The following BLTP3B variants were observed in gnomAD, a reference collection of about 807,000 sequenced individuals.
BLTP3B encodes the protein bridge-like lipid transfer protein family member 3B.
the BLTP3B span, among the ~76,000 whole-genome samples, chr12:100,138,715 G>C: frequency 1.3e-5 from 2 of 152,254 alleles, no homozygotes; most frequent in African/African-American, 4.8e-5. Flanking sequence ...AGCACAGTAT[G>C]CCCTTAGCCT....
the BLTP3B span, chr12:100,070,290 A>ATTTTT: frequency 7.3e-6 from 7 of 963,150 alleles, no homozygotes; most frequent in Middle Eastern, 4.0e-4. Flanking sequence ...TAATTAATTA[A>ATTTTT]TTTTTTTTTT....
chr12:100,047,109 C>T, the BLTP3B span, among the ~76,000 whole-genome samples: 1 of 152,158 alleles, frequency 6.6e-6, no homozygotes, highest in Non-Finnish European at 1.5e-5. Context: ...TCCACTACTA[C>T]ATATGTATAT....
chr12:100,096,974 A>G, the BLTP3B span, among the ~76,000 whole-genome samples: 1 of 152,176 alleles, frequency 6.6e-6, no homozygotes, highest in Non-Finnish European at 1.5e-5. Flanking sequence ...CAGCTACTTG[A>G]GAAGCTGAAG....
the BLTP3B span, among the ~76,000 whole-genome samples, chr12:100,119,202 A>T: frequency 2.0e-5 from 3 of 152,208 alleles, no homozygotes; most frequent in Non-Finnish European, 4.4e-5. Flanking sequence ...CATTAGCATA[A>T]GAAATATGAA....
the BLTP3B span, among the ~76,000 whole-genome samples, chr12:100,039,207 T>C: frequency 6.6e-6 from 1 of 151,606 alleles, no homozygotes; most frequent in African/African-American, 2.4e-5. Flanking sequence ...TAAATGTTTA[T>C]AGAAGTTTCA....
At chr12:100,120,815 A>G in the BLTP3B span, among the ~76,000 whole-genome samples, 1 of 150,840 alleles carries the variant, frequency 6.6e-6, no homozygotes, top group Non-Finnish European at 1.5e-5. Flanking sequence ...GAGAGAGAGA[A>G]AGGCCTATGT....
the BLTP3B span, chr12:100,142,552 G>A: frequency 6.2e-7 from 1 of 1,600,022 alleles, no homozygotes; most frequent in Admixed American, 1.7e-5. Context: ...GCGGGCTGGG[G>A]TGGAGGCCGA....
At chr12:100,041,429 CTTTTTTTTTTTTTT>C in the BLTP3B span, among the ~76,000 whole-genome samples, 1 of 101,812 alleles carries the variant, frequency 9.8e-6, no homozygotes, top group Non-Finnish European at 1.9e-5. Flanking sequence ...GCTATTGTTA[CTTTTTTTTTTTTTT>C]TTTTTTTTTT....
chr12:100,108,594 T>C, the BLTP3B span: 1 of 1,484,660 alleles, frequency 6.7e-7, no homozygotes, highest in Non-Finnish European at 9.1e-7. Context: ...TCAGTTACTA[T>C]ACTCCAGAGT....
the BLTP3B span, among the ~76,000 whole-genome samples, chr12:100,094,849 C>T: frequency 6.6e-6 from 1 of 152,120 alleles, no homozygotes; most frequent in Non-Finnish European, 1.5e-5. Flanking sequence ...TAAAGGGAGA[C>T]TGTTTCAAAA....
chr12:100,094,702 C>T, the BLTP3B span, among the ~76,000 whole-genome samples: 5 of 152,182 alleles, frequency 3.3e-5, no homozygotes, highest in Non-Finnish European at 7.3e-5. Context: ...AACAAAATTA[C>T]AAAACAAATT....
the BLTP3B span, among the ~76,000 whole-genome samples, chr12:100,061,846 G>A: frequency 6.6e-6 from 1 of 152,116 alleles, no homozygotes; most frequent in Non-Finnish European, 1.5e-5. Flanking sequence ...TTAAAAACAA[G>A]ACTAACAATG....
chr12:100,108,658 A>G, the BLTP3B span: 1 of 832,038 alleles, frequency 1.2e-6, no homozygotes, highest in Non-Finnish European at 1.8e-6. Context: ...GACACAACAT[A>G]ATGTCCATCA....
chr12:100,077,724 G>T, the BLTP3B span, among the ~76,000 whole-genome samples: 1 of 152,080 alleles, frequency 6.6e-6, no homozygotes, highest in Non-Finnish European at 1.5e-5. Context: ...AAATAAACCA[G>T]AACAATTTAT....
the BLTP3B span, chr12:100,089,233 T>C: frequency 2.7e-6 from 2 of 744,392 alleles, no homozygotes; most frequent in Non-Finnish European, 3.9e-6. Flanking sequence ...ATATTTTCCC[T>C]AAAATATTTT....
the BLTP3B span, among the ~76,000 whole-genome samples, chr12:100,074,571 G>T: frequency 9.6e-5 from 14 of 145,368 alleles, no homozygotes; most frequent in Admixed American, 9.7e-4. Context: ...TCCAGCCTGG[G>T]CAACAGAACA....
chr12:100,044,052 G>A, the BLTP3B span, among the ~76,000 whole-genome samples: 5 of 152,028 alleles, frequency 3.3e-5, no homozygotes, highest in Non-Finnish European at 5.9e-5. Flanking sequence ...TGTAACTCCT[G>A]CCAAGAGGGT....
At chr12:100,121,952 A>T in the BLTP3B span, among the ~76,000 whole-genome samples, 2 of 151,684 alleles carry the variant, frequency 1.3e-5, no homozygotes, top group Non-Finnish European at 2.9e-5. Flanking sequence ...ACACACACAT[A>T]TATGTGTATA....
At chr12:100,064,896 T>TA in the BLTP3B span, among the ~76,000 whole-genome samples, 200 of 139,218 alleles carry the variant, frequency 1.4e-3, no homozygotes, top group East Asian at 0.016. Context: ...AATTAACAAT[T>TA]AAAAAAAAAA....
Sources: gnomAD v4.1 joint callset for allele counts (sites outside exome capture counted in the v4.1 genomes callset) on GRCh38, gnomAD v4.1.1 for gene constraint, MANE v1.5 for transcripts, NCBI Gene and HGNC (gene_info 2026-07-23, HGNC 2026-07-21) for gene names.